Variants in DNAH9 observed in about 807,000 individuals in gnomAD.
DNAH9 encodes the protein dynein axonemal heavy chain 9.
Under a neutral mutation model 471.6 loss-of-function variants are expected in DNAH9, and 345 were observed. That is an observed-to-expected ratio of 0.73 (90% CI 0.67 to 0.80). The LOEUF (loss-of-function observed/expected upper bound fraction) is 0.80, where lower values mean the gene tolerates loss of function less well. Among genes scored for constraint, DNAH9 ranks in the 30% least tolerant of loss-of-function variants. The pLI, the probability that DNAH9 is intolerant of heterozygous loss-of-function variation, is 0.00. For missense variants in DNAH9, 5,407 were observed against 5,609.2 expected, an observed-to-expected ratio of 0.96 and a Z score of 1.15; for synonymous variants, 2,093 against 2,123.6, an observed-to-expected ratio of 0.99 and a Z score of 0.40.
Position 11,962,836 on chromosome 17 carries a change from C to T in DNAH9, c.13233+580C>T, listed in dbSNP as rs775861688. Among the ~76,000 whole-genome samples, 2 of 152,050 alleles carry T rather than the reference C, an allele frequency of 1.3e-5. No homozygotes were observed. The highest frequency in any genetic ancestry group is 6.6e-5 in the Admixed American group (1 of 15,250). On this transcript the variant is annotated intron_variant, in intron 68 of 68. Transcript: ENST00000262442. The surrounding 1 kb of genome is among the most constrained non-coding windows in gnomAD (Gnocchi z 4.1). Reference sequence around the variant, plus strand: ...GCTCTCAAAGGGCAGGAATCTTCTGCCTTTTATGTTGTCCTATGTTGGCAA... The same window carrying T: ...GCTCTCAAAGGGCAGGAATCTTCTGTCTTTTATGTTGTCCTATGTTGGCAA...
At chr17:11,807,640 G>T in intron 43 of DNAH9, 92 bp from the exon 44 acceptor site, 1 of 1,388,620 alleles carries the variant, frequency 7.2e-7, no homozygotes. Flanking sequence ...GTGCCTCCAA[G>T]GAAGGCCCCT....
At chr17:11,957,044 AAAAAC>A (rs1411987597) in intron 67 of DNAH9, among the ~76,000 whole-genome samples, 1 of 152,056 alleles carries the variant, frequency 6.6e-6, no homozygotes, top group Admixed American at 6.5e-5. Context: ...AGAAAAAAGA[AAAAAC>A]AAAAACTTGA....
chr17:11,860,586 A>C (rs962579262), intron 50 of DNAH9, among the ~76,000 whole-genome samples: 1 of 151,402 alleles, frequency 6.6e-6, no homozygotes, highest in African/African-American at 2.4e-5. Context: ...TTTTTGAGAC[A>C]GTTTCACTCT....
chr17:11,639,299 C>T (rs945241483), intron 9 of DNAH9, among the ~76,000 whole-genome samples: 2 of 152,248 alleles, frequency 1.3e-5, no homozygotes, highest in South Asian at 2.1e-4. Flanking sequence ...GTGGTACCCG[C>T]GGTGAAATAA....
At chr17:11,845,210 G>A in intron 49 of DNAH9, among the ~76,000 whole-genome samples, 1 of 122,454 alleles carries the variant, frequency 8.2e-6, no homozygotes, top group East Asian at 2.4e-4. Flanking sequence ...CTGTGTCCAT[G>A]TGTTTTCATT....
chr17:11,876,337 G>A (rs536331396), intron 53 of DNAH9, among the ~76,000 whole-genome samples: 1 of 152,024 alleles, frequency 6.6e-6, no homozygotes, highest in Non-Finnish European at 1.5e-5. Context: ...TTTCCATAAC[G>A]TGATTATTAT....
At chr17:11,601,645 C>T (rs921432850) in intron 1 of DNAH9, among the ~76,000 whole-genome samples, 3 of 152,184 alleles carry the variant, frequency 2.0e-5, no homozygotes, top group Admixed American at 2.0e-4. Context: ...TATTCCATAC[C>T]CTGAAGCTGA....
Position 11,774,849 on chromosome 17 carries a change from T to TA in DNAH9, c.7552+5528dup, listed in dbSNP as rs568433554. Reference sequence around the variant, plus strand: ...TAATCTTTTTACATTTTTTCTTTTCTAAAAAAAACTATATTGAGTTATAAT... The same window carrying TA: ...TAATCTTTTTACATTTTTTCTTTTCTAAAAAAAAACTATATTGAGTTATAAT... On this transcript the variant is annotated intron_variant, in intron 38 of 68. Coordinates refer to ENST00000262442, the MANE Select transcript of DNAH9 (RefSeq NM_001372.4). Among the ~76,000 whole-genome samples the TA allele has an allele frequency of 1.6e-3, 246 of 152,076 alleles. 5 individuals carry two copies. The South Asian group carries it at 0.032, about 20-fold the overall frequency.
chr17:11,741,551 C>T (rs945847505), intron 29 of DNAH9, among the ~76,000 whole-genome samples: 15 of 152,146 alleles, frequency 9.9e-5, no homozygotes, highest in African/African-American at 3.6e-4. Context: ...AGGAGACACA[C>T]ATTTGGAGAA....
intron 50 of DNAH9, among the ~76,000 whole-genome samples, chr17:11,855,122 G>C (rs1278593979): frequency 2.6e-5 from 4 of 151,552 alleles, no homozygotes; most frequent in Non-Finnish European, 4.4e-5. Flanking sequence ...GGTTGGTCTT[G>C]AACTCCCGGG....
chr17:11,704,515 A>T, intron 25 of DNAH9, 73 bp downstream of exon 25: 1 of 1,530,098 alleles, frequency 6.5e-7, no homozygotes, highest in African/African-American at 1.4e-5. Flanking sequence ...CAGCCAAAAT[A>T]TGGGGGCCCC....
intron 17 of DNAH9, among the ~76,000 whole-genome samples, chr17:11,674,536 C>T (rs1267089727): frequency 2.6e-5 from 4 of 151,900 alleles, no homozygotes; most frequent in Admixed American, 2.0e-4. Context: ...TTCTACTGGA[C>T]TTTTTTTTCC....
intron 61 of DNAH9, among the ~76,000 whole-genome samples, chr17:11,923,438 A>G (rs1349746448): frequency 2.6e-5 from 4 of 151,948 alleles, no homozygotes; most frequent in African/African-American, 9.7e-5. Flanking sequence ...CAGCCTCCCG[A>G]GTAGCTGGGA....
intron 50 of DNAH9, among the ~76,000 whole-genome samples, chr17:11,859,116 A>G (rs1349788638): frequency 6.7e-6 from 1 of 148,532 alleles, no homozygotes; most frequent in African/African-American, 2.5e-5. Flanking sequence ...GAGTAATGAC[A>G]CAAACTGCAG....
intron 38 of DNAH9, among the ~76,000 whole-genome samples, chr17:11,772,598 T>C (rs1190807144): frequency 2.6e-5 from 4 of 152,126 alleles, no homozygotes; most frequent in Non-Finnish European, 5.9e-5. Flanking sequence ...CAGTAGTGAC[T>C]ACAAAAAAAT....
Position 11,728,011 on chromosome 17 carries a change from C to G in DNAH9, c.5814+89C>G, listed in dbSNP as rs539498714. On this transcript the variant is annotated intron_variant, in intron 28 of 68. Transcript: ENST00000262442. ...CCTCTTGTTTTCTACCTCTCCTGAG[C>G]ATCTACGTCCCTTTTTCCCTTGTCA... The G allele has an allele frequency of 3.7e-6, 3 of 805,678 alleles. No homozygotes were observed. In the South Asian group the frequency reaches 4.3e-5, roughly 12 times the overall value. The allele number at this position is 805,678 out of a possible 1,614,324, so 49.9% of individuals were successfully genotyped here.
chr17:11,944,777 G>C (rs2151435286), intron 67 of DNAH9, among the ~76,000 whole-genome samples: 1 of 152,248 alleles, frequency 6.6e-6, no homozygotes, highest in East Asian at 1.9e-4. Flanking sequence ...ACCTCTAAGG[G>C]TGGGGCCTGG....
intron 38 of DNAH9, 120 bp downstream of exon 38, chr17:11,769,449 C>T (rs1405640036): frequency 1.2e-6 from 1 of 810,866 alleles, no homozygotes; most frequent in Non-Finnish European, 2.0e-6. Flanking sequence ...CAGCACTGCG[C>T]ACTTCCTCCC....
chr17:11,870,658 C>A (rs1477507144), intron 51 of DNAH9, among the ~76,000 whole-genome samples: 2 of 152,174 alleles, frequency 1.3e-5, no homozygotes, highest in African/African-American at 4.8e-5. Context: ...AGAAGTCCTC[C>A]AGATCTCCTA....
Sources: allele counts gnomAD v4.1 joint callset (sites outside exome capture counted in the v4.1 genomes callset), GRCh38; gene constraint gnomAD v4.1.1; non-coding constraint Gnocchi (gnomAD v3.1); transcripts MANE v1.5; gene names NCBI Gene and HGNC (gene_info 2026-07-23, HGNC 2026-07-21).